EHMT1: variants seen among roughly 807,000 people sequenced by gnomAD.
EHMT1 encodes histone-lysine N-methyltransferase EHMT1.
EHMT1 carries 15 observed loss-of-function variants against 147.2 expected under a neutral mutation model. The ratio of observed to expected loss-of-function variants is 0.10; its 90% CI spans 0.07 to 0.16. The LOEUF (loss-of-function observed/expected upper bound fraction) is 0.16. EHMT1 is among the 10% of genes least tolerant of loss of function. The pLI, the probability that EHMT1 is intolerant of heterozygous loss-of-function variation, is 1.00. For synonymous variants in EHMT1, 795 were observed against 709.6 expected (o/e 1.12, Z -1.91); for missense variants, 1,587 against 1,772.4 (o/e 0.90, Z 1.88).
At chr9:137,669,507 G>A (rs1410774305) in intron 1 of EHMT1, among the ~76,000 whole-genome samples, 3 of 35,222 alleles carry the variant, frequency 8.5e-5, no homozygotes, top group Admixed American at 4.2e-4. Flanking sequence ...CTCCCAAGAC[G>A]CCCCGCACAG....
At chr9:137,661,629 G>A (rs915890019) in intron 1 of EHMT1, among the ~76,000 whole-genome samples, 1 of 151,540 alleles carries the variant, frequency 6.6e-6, no homozygotes, top group African/African-American at 2.4e-5. Flanking sequence ...GGGACTACAG[G>A]TGCGCACCAC....
chr9:137,792,829 T>G (rs1952626259), intron 16 of EHMT1, among the ~76,000 whole-genome samples: 1 of 152,216 alleles, frequency 6.6e-6, no homozygotes, highest in Non-Finnish European at 1.5e-5. Context: ...TTCTTGGATA[T>G]GATACAAAAG....
chr9:137,817,310 C>G (rs1954996930), intron 23 of EHMT1, 129 bp from the exon 24 acceptor site: 2 of 1,035,466 alleles, frequency 1.9e-6, no homozygotes, highest in South Asian at 2.7e-5. Flanking sequence ...CCTGCAGCAT[C>G]GAACGCTTCG....
chr9:137,803,247 G>A, intron 18 of EHMT1: 4 of 1,080,010 alleles, frequency 3.7e-6, no homozygotes, highest in Non-Finnish European at 4.5e-6. Context: ...ATAATAGGTA[G>A]GCTGCATATA....
intron 13 of EHMT1, 141 bp downstream of exon 13, chr9:137,778,196 C>G: frequency 8.4e-7 from 1 of 1,197,380 alleles, no homozygotes; most frequent in Non-Finnish European, 1.2e-6. Context: ...TATTTTCACA[C>G]TATTTTGGGA....
At position 137,752,352 on chromosome 9, in the gene EHMT1, G is replaced by A. The variant is rs1453874198; in HGVS notation, c.1192G>A (p.Glu398Lys). 1 of 1,614,246 alleles carries A rather than the reference G, an allele frequency of 6.2e-7. No individual in the cohort carries two copies. Among genetic ancestry groups the A allele is most frequent in the Non-Finnish European group, 8.5e-7 (1 of 1,180,046 alleles). ...AQKMDGESEE[E>K]QESVDTGEEE... ...TCAGATGGACGGGGAGTCCGAGGAG[G>A]AGCAGGAGTCCGTGGACACCGGGGA... Residue 398 changes from glutamate to lysine, a missense_variant, in exon 7 of 27, where the codon GAG becomes AAG. Physicochemically the swap from Glu to Lys is moderately conservative, Grantham distance 56. Around this residue, in one of 7 missense-constraint regions of EHMT1, gnomAD observed 810 missense variants for 673.0 expected, o/e 1.20. Transcript: ENST00000460843.
chr9:137,812,348 C>G (rs545874226), intron 19 of EHMT1, among the ~76,000 whole-genome samples: 18 of 151,182 alleles, frequency 1.2e-4, no homozygotes, highest in African/African-American at 4.4e-4. Context: ...CAAAAAAAAC[C>G]CAAAAAACAA....
intron 4 of EHMT1, among the ~76,000 whole-genome samples, chr9:137,738,034 A>C (rs1287291246): frequency 6.6e-6 from 1 of 152,174 alleles, no homozygotes; most frequent in Non-Finnish European, 1.5e-5. Context: ...TCTCTACTAC[A>C]AATACAAAAG....
chr9:137,749,103 A>C (rs1263485548), intron 6 of EHMT1, among the ~76,000 whole-genome samples: 1 of 151,898 alleles, frequency 6.6e-6, no homozygotes, highest in East Asian at 1.9e-4. Flanking sequence ...GTGGCCTGCT[A>C]CCCACCCCCA....
intron 16 of EHMT1, 83 bp downstream of exon 16, chr9:137,791,053 A>G (rs1431403449): frequency 3.1e-6 from 5 of 1,610,976 alleles, no homozygotes; most frequent in African/African-American, 2.7e-5. Flanking sequence ...CCTTACTGAC[A>G]TCTCCAGGAC....
intron 1 of EHMT1, among the ~76,000 whole-genome samples, chr9:137,623,980 C>T (rs373232570): frequency 2.8e-4 from 42 of 150,794 alleles, no homozygotes; most frequent in African/African-American, 8.1e-4. Flanking sequence ...CCGCCATACC[C>T]GGTTGATTTT....
intron 1 of EHMT1, chr9:137,667,139 C>G (rs1012077660): frequency 1.3e-5 from 2 of 152,206 alleles, no homozygotes; most frequent in Admixed American, 1.3e-4. Context: ...GCTCACGTGT[C>G]CCCAGCAGCA....
intron 16 of EHMT1, among the ~76,000 whole-genome samples, chr9:137,791,587 T>TA: frequency 6.6e-6 from 1 of 152,318 alleles, no homozygotes; most frequent in East Asian, 1.9e-4. Flanking sequence ...AGTTGAAAAC[T>TA]AACAAACATT....
chr9:137,655,763 G>C (rs1160123768), intron 1 of EHMT1, among the ~76,000 whole-genome samples: 1 of 152,140 alleles, frequency 6.6e-6, no homozygotes, highest in African/African-American at 2.4e-5. Flanking sequence ...GAGTGATCTG[G>C]GTCGCGTGCT....
At chr9:137,827,022 C>T (rs564890398) in intron 25 of EHMT1, among the ~76,000 whole-genome samples, 4 of 152,330 alleles carry the variant, frequency 2.6e-5, no homozygotes, top group African/African-American at 4.8e-5. Context: ...GGGGGGTCCC[C>T]GCCTCCTCCC....
At chr9:137,715,316 T>C (rs1202713317) in intron 2 of EHMT1, among the ~76,000 whole-genome samples, 1 of 152,262 alleles carries the variant, frequency 6.6e-6, no homozygotes, top group African/African-American at 2.4e-5. Context: ...AGTTTCCACT[T>C]ACTCTGTTTT....
At chr9:137,832,519 C>T (rs952282528) in intron 25 of EHMT1, 5 of 150,378 alleles carry the variant, frequency 3.3e-5, no homozygotes, top group Non-Finnish European at 5.8e-5. Context: ...GCTGGGCTCC[C>T]TCCGCAGGCC....
At chr9:137,747,381 C>T (rs1948630191) in intron 6 of EHMT1, 1 of 152,226 alleles carries the variant, frequency 6.6e-6, no homozygotes, top group East Asian at 1.9e-4. Context: ...TGGTCTTGAA[C>T]TCCTGACCTC....
rs371134699 is a variant in EHMT1 at position 137,716,643 on chromosome 9, G to A, written c.103G>A (p.Asp35Asn). The A allele has an allele frequency of 2.3e-5, 37 of 1,576,886 alleles. No homozygotes were observed. Among genetic ancestry groups the A allele is most frequent in the East Asian group, 6.8e-5 (3 of 44,434 alleles). Residue 35 changes from aspartate (D) to asparagine (N), a missense_variant, in exon 3 of 27, where the codon GAT becomes AAT. Physicochemically the swap from Asp to Asn is conservative, Grantham distance 23 (BLOSUM62 1). Coordinates refer to ENST00000460843, the MANE Select transcript of EHMT1 (RefSeq NM_024757.5). Reference sequence around the variant, plus strand: ...GTTGGCAGAGACACCTATGGCTGCCGATGAAGGCTCAGCAGAGAAACAGGC... The same window carrying A: ...GTTGGCAGAGACACCTATGGCTGCCAATGAAGGCTCAGCAGAGAAACAGGC... ...LLGEETPMAA[D>N]EGSAEKQAGE...
Sources: allele counts gnomAD v4.1 joint callset (sites outside exome capture counted in the v4.1 genomes callset), GRCh38; gene constraint gnomAD v4.1.1; regional missense constraint gnomAD v4.1.1; transcripts MANE v1.5; gene names NCBI Gene and HGNC (gene_info 2026-07-23, HGNC 2026-07-21).